The following PPFIBP2 variants were observed in gnomAD, a reference collection of about 807,000 sequenced individuals.
PPFIBP2 encodes the protein PPFIB scaffold protein 2.
A neutral mutation model predicts 118.3 loss-of-function variants in PPFIBP2; 118 were observed. The observed-to-expected ratio is 1.00, with a 90% confidence interval of 0.86 to 1.16. The LOEUF (loss-of-function observed/expected upper bound fraction) is 1.16, where lower values mean the gene tolerates loss of function less well. PPFIBP2 is among the 50% of genes most tolerant of loss of function. PPFIBP2 has a pLI of 0.00. For missense variants in PPFIBP2, 1,195 were observed against 1,073.1 expected (o/e 1.11, Z -1.59); for synonymous variants, 414 against 397.4 (o/e 1.04, Z -0.50).
chr11:7,619,954 A>T (rs1363902388), intron 6 of PPFIBP2, among the ~76,000 whole-genome samples: 2 of 152,186 alleles, frequency 1.3e-5, no homozygotes, highest in Non-Finnish European at 2.9e-5. Context: ...AATTATCTTT[A>T]TGCCAGTTCT....
chr11:7,519,038 C>T (rs955423255), intron 1 of PPFIBP2, among the ~76,000 whole-genome samples: 35 of 152,190 alleles, frequency 2.3e-4, no homozygotes, highest in African/African-American at 7.9e-4. Context: ...TGAGTACAGG[C>T]AGTGCTAGAG....
chr11:7,659,026 G>T (rs1854831237), downstream of PPFIBP2, among the ~76,000 whole-genome samples: 1 of 131,418 alleles, frequency 7.6e-6, no homozygotes, highest in Non-Finnish European at 1.6e-5. Context: ...GGAGTTCATT[G>T]TAGATTCTGG....
intron 1 of PPFIBP2, among the ~76,000 whole-genome samples, chr11:7,533,023 A>G (rs546911059): frequency 8.6e-6 from 1 of 115,740 alleles, no homozygotes; most frequent in East Asian, 2.0e-4. Context: ...AAACTTACCA[A>G]TTCATATCTG....
chr11:7,575,426 T>C (rs1037959604), intron 3 of PPFIBP2, among the ~76,000 whole-genome samples: 9 of 152,162 alleles, frequency 5.9e-5, no homozygotes, highest in Non-Finnish European at 7.4e-5. Flanking sequence ...AGCAGCCACA[T>C]TGGCCACCTT....
intron 7 of PPFIBP2, 149 bp downstream of exon 7, chr11:7,621,176 T>C (rs10839822): frequency 0.91 from 567,513 of 621,630 alleles, 259,867 homozygotes; most frequent in Non-Finnish European, 0.93. Flanking sequence ...GATGGTGCAG[T>C]AGACAGACTT....
chr11:7,579,572 T>C (rs1001116671), intron 3 of PPFIBP2, among the ~76,000 whole-genome samples: 40 of 152,322 alleles, frequency 2.6e-4, no homozygotes, highest in African/African-American at 9.1e-4. Context: ...AGCCAACATG[T>C]GCCTGGGATT....
chr11:7,531,928 T>G (rs1850726387), intron 1 of PPFIBP2, among the ~76,000 whole-genome samples: 1 of 152,134 alleles, frequency 6.6e-6, no homozygotes, highest in African/African-American at 2.4e-5. Flanking sequence ...CTCCACCTCC[T>G]GGGTTCAAGT....
At chr11:7,657,975 T>G (rs1034118413), downstream of PPFIBP2, among the ~76,000 whole-genome samples, 1 of 152,172 alleles carries the variant, frequency 6.6e-6, no homozygotes, top group South Asian at 2.1e-4. Context: ...CTCCTTCGCA[T>G]GTGTGTGTTA....
chr11:7,529,426 G>T (rs553575186), intron 1 of PPFIBP2, among the ~76,000 whole-genome samples: 9 of 152,172 alleles, frequency 5.9e-5, no homozygotes, highest in Non-Finnish European at 8.8e-5. Context: ...GTGATTGCCT[G>T]TCTGGCTATC....
chr11:7,571,138 C>A (rs144889416), intron 3 of PPFIBP2, among the ~76,000 whole-genome samples: 1 of 152,256 alleles, frequency 6.6e-6, no homozygotes, highest in Non-Finnish European at 1.5e-5. Flanking sequence ...TCTGCTGGCC[C>A]CAGCTGGGAT....
At chr11:7,650,257 T>C (rs922526380) in intron 21 of PPFIBP2, among the ~76,000 whole-genome samples, 2 of 152,244 alleles carry the variant, frequency 1.3e-5, no homozygotes, top group Non-Finnish European at 2.9e-5. Context: ...TCCTGGGAAC[T>C]AGGTCTAACC....
Position 7,630,285 on chromosome 11 carries a change from G to C in PPFIBP2, c.965-640G>C, listed in dbSNP as rs113949290. On this transcript the variant is annotated intron_variant, in intron 10 of 23. Transcript: ENST00000299492. ...TGTGACTGACTGGTCACTGGCCAGG[G>C]CCTCTGCCAGCCCTCACACACAGCC... 7.2e-3 allele frequency among the ~76,000 whole-genome samples: 1,098 copies of C among 152,328 alleles called. 15 individuals are homozygous for C. Among genetic ancestry groups the C allele is most frequent in the African/African-American group, 0.026 (1,065 of 41,574 alleles).
chr11:7,531,663 A>G (rs1850693330), intron 1 of PPFIBP2, among the ~76,000 whole-genome samples: 1 of 151,976 alleles, frequency 6.6e-6, no homozygotes, highest in Non-Finnish European at 1.5e-5. Flanking sequence ...CGTGTGTAGG[A>G]TCAAATGGGG....
At chr11:7,516,924 A>G (rs1473764457) in intron 1 of PPFIBP2, among the ~76,000 whole-genome samples, 2 of 152,146 alleles carry the variant, frequency 1.3e-5, no homozygotes, top group African/African-American at 4.8e-5. Context: ...CTATTTGGTT[A>G]TAGTAAAAAG....
chr11:7,654,748 C>A (rs530628455), downstream of PPFIBP2, among the ~76,000 whole-genome samples: 1 of 152,358 alleles, frequency 6.6e-6, no homozygotes, highest in South Asian at 2.1e-4. Context: ...GTACAGGGAT[C>A]TCTGCATGTG....
chr11:7,559,790 G>A lies in PPFIBP2; in HGVS notation c.65-5763G>A, dbSNP rs986224788. 3.9e-5 allele frequency among the ~76,000 whole-genome samples: 6 copies of A among 152,020 alleles called. No homozygotes were observed. The East Asian group carries it at 7.7e-4, about 20-fold the overall frequency. ...CATTAAAACCTCAAGCCCCAATCTC[G>A]GTTCCTCCCTATATCTGGGTATTTT... is the stretch of plus-strand genomic sequence containing the variant. On this transcript the variant is annotated intron_variant, in intron 2 of 23. Coordinates refer to ENST00000299492, the MANE Select transcript of PPFIBP2 (RefSeq NM_003621.5).
At chr11:7,544,513 G>A (rs989926873) in intron 1 of PPFIBP2, among the ~76,000 whole-genome samples, 6 of 152,132 alleles carry the variant, frequency 3.9e-5, no homozygotes, top group East Asian at 3.9e-4. Context: ...CCCGGTTCAC[G>A]CCTGTATTCC....
Position 7,653,670 on chromosome 11 carries a change from C to A in PPFIBP2, c.*452C>A. The stretch of plus-strand genomic sequence containing the variant: ...TCAAAGGGATGAGCAACAGGGACTT[C>A]TGCCACAGTGACAATGGAATTGTGT... On this transcript the variant is annotated 3_prime_UTR_variant, in exon 24 of 24. Transcript: ENST00000299492. 2 of 1,290,214 alleles carry A rather than the reference C, an allele frequency of 1.6e-6. No homozygotes were observed. Among genetic ancestry groups the A allele is most frequent in the South Asian group, 2.5e-5 (2 of 80,798 alleles). 79.9% of individuals were successfully genotyped at this position (1,290,214 alleles called of 1,614,324 possible).
rs74891165 is a variant in PPFIBP2, at chr11:7,648,928, A to C, written c.1909+17A>C. The C allele has an allele frequency of 3.2e-3, 5,080 of 1,596,232 alleles. 133 individuals carry two copies. In the African/African-American group the frequency reaches 0.058, roughly 18 times the overall value. Reference sequence around the variant, plus strand: ...GGGTGACAAGTAAGGATAGGCATATATGTATTAAGAATGTCTCTGGCAGCA... The same window carrying C: ...GGGTGACAAGTAAGGATAGGCATATCTGTATTAAGAATGTCTCTGGCAGCA... On this transcript the variant is annotated intron_variant, in intron 19 of 23. Coordinates refer to ENST00000299492, the MANE Select transcript of PPFIBP2 (RefSeq NM_003621.5).
Sources: gnomAD v4.1 joint callset for allele counts (sites outside exome capture counted in the v4.1 genomes callset) on GRCh38, gnomAD v4.1.1 for gene constraint, MANE v1.5 for transcripts, NCBI Gene and HGNC (gene_info 2026-07-23, HGNC 2026-07-21) for gene names.